Variants in AMPD3 observed in about 807,000 individuals in gnomAD.
AMPD3 encodes adenosine monophosphate deaminase 3.
A neutral mutation model predicts 82.3 loss-of-function variants in AMPD3; 57 were observed. The ratio of observed to expected loss-of-function variants is 0.69; its 90% CI spans 0.56 to 0.86. The LOEUF is 0.86. AMPD3 is among the 40% of genes least tolerant of loss of function. AMPD3 has a pLI of 0.00. For missense variants in AMPD3, 870 were observed against 1,003.8 expected (o/e 0.87, Z 1.80); for synonymous variants, 381 against 394.7 (o/e 0.97, Z 0.41).
intron 1 of AMPD3, chr11:10,455,942 C>T (rs937003093): frequency 4.1e-6 from 4 of 985,366 alleles, no homozygotes; most frequent in East Asian, 1.1e-4. Flanking sequence ...TGATATCGCT[C>T]GTTGCTACTC....
At chr11:10,463,662 A>C (rs1471086881) in intron 2 of AMPD3, among the ~76,000 whole-genome samples, 1 of 152,246 alleles carries the variant, frequency 6.6e-6, no homozygotes, top group African/African-American at 2.4e-5. Flanking sequence ...TGGGCCTGAC[A>C]TCTGCTGAAG....
At chr11:10,451,472 T>A (rs935667095), upstream of AMPD3, among the ~76,000 whole-genome samples, 5 of 152,220 alleles carry the variant, frequency 3.3e-5, no homozygotes, top group Admixed American at 3.3e-4. Flanking sequence ...CCTTCATCCT[T>A]ACCTCTTTGG....
intron 12 of AMPD3, chr11:10,502,097 C>A (rs1002956697): frequency 2.0e-6 from 2 of 985,304 alleles, no homozygotes; most frequent in Non-Finnish European, 2.4e-6. Context: ...ACTGGTGTAC[C>A]CTTGAGCTCT....
intron 1 of AMPD3, among the ~76,000 whole-genome samples, chr11:10,459,710 C>G (rs1848201992): frequency 6.6e-6 from 1 of 152,096 alleles, no homozygotes; most frequent in Non-Finnish European, 1.5e-5. Context: ...TTAATCCATT[C>G]CACAAGTGTT....
chr11:10,503,862 C>T (rs1463824638), intron 13 of AMPD3: 5 of 584,896 alleles, frequency 8.5e-6, no homozygotes, highest in Non-Finnish European at 8.6e-6. Flanking sequence ...AAGACAAGAC[C>T]TTTCAAAAGG....
At chr11:10,499,028 G>T (rs16907917) in intron 10 of AMPD3, among the ~76,000 whole-genome samples, 1 of 133,360 alleles carries the variant, frequency 7.5e-6, no homozygotes, top group African/African-American at 2.7e-5. Flanking sequence ...CCATCTCAGA[G>T]GGCAGCTCCC....
intron 7 of AMPD3, 103 bp from the exon 8 acceptor site, chr11:10,494,794 CTT>C: frequency 6.3e-7 from 1 of 1,586,702 alleles, no homozygotes. Context: ...TAGAAGATGT[CTT>C]TCGGTGTGGC....
At chr11:10,481,634 G>A in intron 3 of AMPD3, 2 of 452,870 alleles carry the variant, frequency 4.4e-6, no homozygotes, top group Non-Finnish European at 5.8e-6. Context: ...GAGCAAATCA[G>A]CAAAGGGAGC....
chr11:10,496,434 G>A (rs1306835862), intron 9 of AMPD3: 1 of 985,298 alleles, frequency 1.0e-6, no homozygotes, highest in Non-Finnish European at 1.2e-6. Context: ...TGGAGCCCAT[G>A]GCTCCAGGAT....
At chr11:10,491,270 C>A (rs1849233468) in intron 6 of AMPD3, among the ~76,000 whole-genome samples, 1 of 152,124 alleles carries the variant, frequency 6.6e-6, no homozygotes. Flanking sequence ...GTCAGTTTAC[C>A]CATAGTGACT....
chr11:10,497,225 C>T (rs963136964), intron 10 of AMPD3, among the ~76,000 whole-genome samples: 5 of 151,968 alleles, frequency 3.3e-5, no homozygotes, highest in Admixed American at 6.5e-5. Flanking sequence ...ACTGGGAACT[C>T]GGTTCCTGCC....
chr11:10,465,517 G>C (rs927934408), intron 2 of AMPD3, among the ~76,000 whole-genome samples: 4 of 152,240 alleles, frequency 2.6e-5, no homozygotes, highest in Admixed American at 2.6e-4. Context: ...TGAGGTACTG[G>C]TTCATCTCAC....
At chr11:10,486,674 AG>A (rs1849080311) in intron 5 of AMPD3, 4 of 985,422 alleles carry the variant, frequency 4.1e-6, no homozygotes, top group Non-Finnish European at 4.8e-6. Context: ...CGTGGCCATT[AG>A]GTCAGGGGGC....
At chr11:10,502,503 G>A (rs778226670) in intron 12 of AMPD3, 9 of 985,370 alleles carry the variant, frequency 9.1e-6, no homozygotes, top group Non-Finnish European at 8.4e-6. Context: ...AGGCACCAGG[G>A]AGGGCTGGCA....
chr11:10,500,068 A>T lies in AMPD3; in HGVS notation c.1558-18A>T. 1 of 1,614,190 alleles carries T rather than the reference A, an allele frequency of 6.2e-7. No individual in the cohort carries two copies. The highest frequency in any genetic ancestry group is 1.1e-5 in the South Asian group (1 of 91,088). On this transcript the variant is annotated intron_variant, in intron 10 of 14. Coordinates refer to ENST00000396553, the MANE Select transcript of AMPD3 (RefSeq NM_001025389.2). Reference sequence around the variant, plus strand: ...CTGGTCCTGCCTTGGCCTGGTGCTCAGGACCTCTCCTGCCCAGGTGACGGG... The same window carrying T: ...CTGGTCCTGCCTTGGCCTGGTGCTCTGGACCTCTCCTGCCCAGGTGACGGG...
intron 3 of AMPD3, among the ~76,000 whole-genome samples, chr11:10,480,239 C>T (rs1219858794): frequency 1.3e-5 from 2 of 152,234 alleles, no homozygotes; most frequent in East Asian, 1.9e-4. Flanking sequence ...CCGGTGGCCA[C>T]GGGTCCACAG....
intron 7 of AMPD3, 89 bp from the exon 8 acceptor site, chr11:10,494,810 A>C (rs1360208385): frequency 6.3e-7 from 1 of 1,580,968 alleles, no homozygotes; most frequent in South Asian, 1.1e-5. Context: ...GTGTGGCCAT[A>C]CAGAAGGCCG....
intron 1 of AMPD3, chr11:10,461,310 C>T: frequency 6.4e-7 from 1 of 1,561,238 alleles, no homozygotes; most frequent in African/African-American, 1.3e-5. Flanking sequence ...TTTCTCCTGA[C>T]ACCTAAGTGG....
chr11:10,454,985 G>A (rs1848051263), upstream of AMPD3: 1 of 260,980 alleles, frequency 3.8e-6, no homozygotes, highest in Non-Finnish European at 6.0e-6. Context: ...AGCAGCCCGA[G>A]GATCATGTGT....
Sources: gnomAD v4.1 joint callset for allele counts (sites outside exome capture counted in the v4.1 genomes callset) on GRCh38, gnomAD v4.1.1 for gene constraint, MANE v1.5 for transcripts, NCBI Gene and HGNC (gene_info 2026-07-23, HGNC 2026-07-21) for gene names.